Variants in AGAP1 observed in about 807,000 individuals in gnomAD.
The protein encoded by AGAP1 is ArfGAP with GTPase domain, ankyrin repeat and PH domain 1.
In AGAP1, 29 loss-of-function variants were observed where a neutral mutation model predicts 105.3. The observed-to-expected ratio is 0.28, with a 90% CI of 0.21 to 0.38. The LOEUF (loss-of-function observed/expected upper bound fraction) is 0.38, where lower values mean the gene tolerates loss of function less well. Among genes scored for constraint, AGAP1 ranks in the 10% least tolerant of loss-of-function variants. The probability of loss-of-function intolerance (pLI) is 1.00; values close to 1 mark genes in which losing one functional copy is unlikely to be tolerated. For missense variants in AGAP1, 998 were observed against 1,165.1 expected (o/e 0.86, Z 2.09); for synonymous variants, 509 against 485.9 (o/e 1.05, Z -0.63).
chr2:235,516,565 C>T (rs1208578378), intron 1 of AGAP1, among the ~76,000 whole-genome samples: 2 of 152,184 alleles, frequency 1.3e-5, no homozygotes, highest in Non-Finnish European at 2.9e-5. Context: ...GTGCTTGGCA[C>T]CTGCAGCCTG....
chr2:235,950,887 C>CCT (rs2053704964), intron 12 of AGAP1, among the ~76,000 whole-genome samples: 1 of 118,258 alleles, frequency 8.5e-6, no homozygotes, highest in Non-Finnish European at 1.8e-5. Context: ...TCTCCAAGCA[C>CCT]TTTTTTTTTT....
chr2:235,795,798 C>T (rs1378365752), intron 6 of AGAP1, among the ~76,000 whole-genome samples: 3 of 152,200 alleles, frequency 2.0e-5, no homozygotes, highest in Non-Finnish European at 4.4e-5. Flanking sequence ...GCTAAATACT[C>T]ATACTTTGTA....
intron 12 of AGAP1, among the ~76,000 whole-genome samples, chr2:235,947,291 C>T (rs957130387): frequency 7.9e-5 from 12 of 152,270 alleles, no homozygotes; most frequent in African/African-American, 2.2e-4. Flanking sequence ...ATCCTCATAG[C>T]TTAGCTCCCA....
chr2:235,768,566 A>G (rs957341716), intron 6 of AGAP1, among the ~76,000 whole-genome samples: 1 of 152,236 alleles, frequency 6.6e-6, no homozygotes, highest in African/African-American at 2.4e-5. Context: ...GCCAAAGGAC[A>G]ATGTTTTACC....
At chr2:235,693,056 A>T (rs1417750552) in intron 1 of AGAP1, among the ~76,000 whole-genome samples, 1 of 151,926 alleles carries the variant, frequency 6.6e-6, no homozygotes, top group Non-Finnish European at 1.5e-5. Flanking sequence ...GGCCTTCCTG[A>T]TGTGGGCTGC....
intron 1 of AGAP1, among the ~76,000 whole-genome samples, chr2:235,686,492 G>C (rs571345227): frequency 2.0e-5 from 3 of 149,654 alleles, no homozygotes; most frequent in Non-Finnish European, 4.4e-5. Flanking sequence ...GAGTGTGAGC[G>C]TACACTGCTG....
rs758759694 is a variant in AGAP1 at position 235,723,124 on chromosome 2, C to T, written c.310+5480C>T. Among the ~76,000 whole-genome samples the T allele has an allele frequency of 2.0e-4, 31 of 152,126 alleles. No individual in the cohort carries two copies. Among genetic ancestry groups the T allele is most frequent in the Non-Finnish European group, 4.0e-4 (27 of 68,026 alleles). ...GTTCTAGAACCTCACAAGGACTCAT[C>T]GGCTGGCAGTGACCTTCACACCTCT... On this transcript the variant is annotated intron_variant, in intron 3 of 17. Coordinates refer to ENST00000304032, the MANE Select transcript of AGAP1 (RefSeq NM_001037131.3). This position sits in a 1 kb window ranked among gnomAD's most constrained non-coding sequence, Gnocchi z 6.2.
At chr2:236,039,785 T>A (rs1350593036) in intron 14 of AGAP1, among the ~76,000 whole-genome samples, 1 of 152,230 alleles carries the variant, frequency 6.6e-6, no homozygotes, top group East Asian at 1.9e-4. Context: ...TACATATGTG[T>A]ATGTAGATGT....
Position 235,803,265 on chromosome 2 carries a change from T to C in AGAP1, c.957+3743T>C, listed in dbSNP as rs1042367325. Among the ~76,000 whole-genome samples the C allele has an allele frequency of 3.3e-4, 50 of 152,230 alleles. 1 individual carries two copies. Among genetic ancestry groups the C allele is most frequent in the African/African-American group, 1.2e-3 (48 of 41,544 alleles). Reference sequence around the variant, plus strand: ...AGTTGAAGTTCCTGGAAATAGTAACTCCACTAGATGTCAGTGTCATCCAAG... The same window carrying C: ...AGTTGAAGTTCCTGGAAATAGTAACCCCACTAGATGTCAGTGTCATCCAAG... On this transcript the variant is annotated intron_variant, in intron 8 of 17. Transcript: ENST00000304032.
Position 235,855,547 on chromosome 2 carries a change from G to A in AGAP1, c.1051-27798G>A, listed in dbSNP as rs1326981020. 6.6e-6 allele frequency among the ~76,000 whole-genome samples: 1 copy of A among 152,202 alleles called. No individual in the cohort carries two copies. Among genetic ancestry groups the A allele is most frequent in the Non-Finnish European group, 1.5e-5 (1 of 68,042 alleles). On this transcript the variant is annotated intron_variant, in intron 9 of 17. Coordinates refer to ENST00000304032, the MANE Select transcript of AGAP1 (RefSeq NM_001037131.3). This position sits in a 1 kb window ranked among gnomAD's most constrained non-coding sequence, Gnocchi z 5.0. ...TGAGTTATAGTAAATTTAAAATCGAGCAATTTCTGCTTTAAATATAGGGTA... is the reference window on the plus strand; with the variant it reads ...TGAGTTATAGTAAATTTAAAATCGAACAATTTCTGCTTTAAATATAGGGTA...
intron 13 of AGAP1, 24 bp downstream of exon 13, chr2:235,968,647 G>C (rs1331688575): frequency 6.3e-7 from 1 of 1,580,364 alleles, no homozygotes; most frequent in South Asian, 1.1e-5. Context: ...GGTGCCCCGG[G>C]AGAGAGTCTC....
chr2:235,613,266 G>A (rs897342950), intron 1 of AGAP1, among the ~76,000 whole-genome samples: 2 of 152,166 alleles, frequency 1.3e-5, no homozygotes, highest in African/African-American at 4.8e-5. Flanking sequence ...AAAGTGCTGG[G>A]ATTACAGGCC....
rs2056557614 is a variant in AGAP1 at position 236,012,726 on chromosome 2, C to T, written c.1646-23835C>T. Among the ~76,000 whole-genome samples, 1 of 151,974 alleles carries T rather than the reference C, an allele frequency of 6.6e-6. No individual in the cohort carries two copies. The highest frequency in any genetic ancestry group is 1.5e-5 in the Non-Finnish European group (1 of 68,030). On this transcript the variant is annotated intron_variant, in intron 13 of 17. Coordinates refer to ENST00000304032, the MANE Select transcript of AGAP1 (RefSeq NM_001037131.3). This position sits in a 1 kb window ranked among gnomAD's most constrained non-coding sequence, Gnocchi z 4.9. ...AAATGTAGACCCGTATCCTTTAACA[C>T]CGCAGATGCCTGCTAGTTTAGAGGT... is the stretch of plus-strand genomic sequence containing the variant.
Position 235,804,125 on chromosome 2 carries a change from G to A in AGAP1, c.958-3114G>A, listed in dbSNP as rs148332089. Reference sequence around the variant, plus strand: ...GTAAAAGTTGCAGCTCCTTCCATGTGCCTCCAGAACACGTTTCTCCTGCCT... The same window carrying A: ...GTAAAAGTTGCAGCTCCTTCCATGTACCTCCAGAACACGTTTCTCCTGCCT... On this transcript the variant is annotated intron_variant, in intron 8 of 17. Transcript: ENST00000304032. Among the ~76,000 whole-genome samples, 126 of 152,302 alleles carry A rather than the reference G, an allele frequency of 8.3e-4. 2 individuals carry two copies. The East Asian group carries it at 0.019, about 24-fold the overall frequency.
chr2:235,868,053 G>T (rs1015469143), intron 9 of AGAP1, among the ~76,000 whole-genome samples: 2 of 152,176 alleles, frequency 1.3e-5, no homozygotes, highest in African/African-American at 4.8e-5. Flanking sequence ...AAAGGTGCCA[G>T]CTTTTCTTTG....
intron 6 of AGAP1, among the ~76,000 whole-genome samples, chr2:235,783,133 A>G (rs1030288902): frequency 3.3e-5 from 5 of 151,184 alleles, no homozygotes; most frequent in Non-Finnish European, 5.9e-5. Flanking sequence ...CTTAAATACC[A>G]TTTTTCTCAG....
rs1226756177 is a variant in AGAP1, at chr2:235,692,880, A to G, written c.164-16299A>G. ...TTGATGTGGCACTGCCTGGCTCCGG[A>G]GATAGCGAGGGAGGGAGGGAGGCAG... is the stretch of plus-strand genomic sequence containing the variant. On this transcript the variant is annotated intron_variant, in intron 1 of 17. Transcript: ENST00000304032. This position sits in a 1 kb window ranked among gnomAD's most constrained non-coding sequence, Gnocchi z 5.8. Among the ~76,000 whole-genome samples the G allele has an allele frequency of 6.6e-6, 1 of 150,830 alleles. No homozygotes were observed. The highest frequency in any genetic ancestry group is 2.4e-5 in the African/African-American group (1 of 40,862).
rs1044027889 is a variant in AGAP1 at position 235,732,645 on chromosome 2, A to T, written c.311-8318A>T. On this transcript the variant is annotated intron_variant, in intron 3 of 17. Transcript: ENST00000304032. This position sits in a 1 kb window ranked among gnomAD's most constrained non-coding sequence, Gnocchi z 4.8. ...TTCCCTGCTGGGGAGCCTTTGCATA[A>T]TGTCCCCAGCCCTGCTCTTCAGCCT... Among the ~76,000 whole-genome samples, 1 of 151,814 alleles carries T rather than the reference A, an allele frequency of 6.6e-6. No homozygotes were observed. Among genetic ancestry groups the T allele is most frequent in the Admixed American group, 6.6e-5 (1 of 15,246 alleles).
At chr2:236,084,304 T>C (rs1353145628) in intron 16 of AGAP1, among the ~76,000 whole-genome samples, 1 of 152,166 alleles carries the variant, frequency 6.6e-6, no homozygotes, top group Non-Finnish European at 1.5e-5. Flanking sequence ...TGCCAGCATA[T>C]TAACATTTAA....
Sources: allele counts gnomAD v4.1 joint callset (sites outside exome capture counted in the v4.1 genomes callset), GRCh38; gene constraint gnomAD v4.1.1; non-coding constraint Gnocchi (gnomAD v3.1); transcripts MANE v1.5; gene names NCBI Gene and HGNC (gene_info 2026-07-23, HGNC 2026-07-21).